The following DSCAM variants were observed in gnomAD, a reference collection of about 807,000 sequenced individuals.
The protein encoded by DSCAM is cell adhesion molecule DSCAM.
Under a neutral mutation model 217.7 loss-of-function variants are expected in DSCAM, and 47 were observed. The observed-to-expected ratio is 0.22, with a 90% CI of 0.17 to 0.28. The LOEUF (loss-of-function observed/expected upper bound fraction) is 0.28, where lower values mean the gene tolerates loss of function less well. Among genes scored for constraint, DSCAM ranks in the 10% least tolerant of loss-of-function variants. DSCAM has a pLI of 1.00. For missense variants in DSCAM, 2,080 were observed against 2,618.3 expected (o/e 0.79, Z 4.49); for synonymous variants, 1,056 against 1,015.3 (o/e 1.04, Z -0.76).
chr21:40,088,168 G>A (rs2089556997), intron 21 of DSCAM, among the ~76,000 whole-genome samples: 1 of 152,160 alleles, frequency 6.6e-6, no homozygotes, highest in Non-Finnish European at 1.5e-5. Flanking sequence ...ACACTGTCAT[G>A]GAGCTGGGGA....
At chr21:40,334,715 CACCACA>C (rs58765962) in intron 8 of DSCAM, among the ~76,000 whole-genome samples, 83,035 of 151,062 alleles carry the variant, frequency 0.55, 23,046 homozygotes, top group Admixed American at 0.67. Context: ...AAATATAGTG[CACCACA>C]ACCACAACCT....
chr21:40,215,807 T>G (rs773218791), intron 11 of DSCAM, among the ~76,000 whole-genome samples: 1 of 152,030 alleles, frequency 6.6e-6, no homozygotes, highest in East Asian at 1.9e-4. Flanking sequence ...AAGAAAAAAA[T>G]TAACTAATTA....
chr21:40,766,044 A>G (rs2091385443), intron 1 of DSCAM, among the ~76,000 whole-genome samples: 1 of 152,236 alleles, frequency 6.6e-6, no homozygotes, highest in South Asian at 2.1e-4. Flanking sequence ...CTGGCAAGCC[A>G]GCCTCTGGGA....
At chr21:40,079,122 C>T (rs983404870) in intron 25 of DSCAM, 145 bp from the exon 26 acceptor site, 1 of 853,192 alleles carries the variant, frequency 1.2e-6, no homozygotes, top group Non-Finnish European at 1.8e-6. Flanking sequence ...CAACTTGTCC[C>T]CTGTTAATAG....
At chr21:40,241,076 A>G (rs2073146441) in intron 11 of DSCAM, among the ~76,000 whole-genome samples, 1 of 152,196 alleles carries the variant, frequency 6.6e-6, no homozygotes, top group African/African-American at 2.4e-5. Flanking sequence ...ACCTAGGAAC[A>G]GGCAAATATT....
chr21:40,102,375 G>A (rs76806749), intron 20 of DSCAM, among the ~76,000 whole-genome samples: 930 of 152,276 alleles, frequency 6.1e-3, no homozygotes, highest in Non-Finnish European at 9.5e-3. Context: ...AAGCCAGAGC[G>A]TTCACATTTC....
intron 11 of DSCAM, among the ~76,000 whole-genome samples, chr21:40,257,398 T>A (rs764810621): frequency 1.2e-4 from 18 of 151,982 alleles, no homozygotes; most frequent in Non-Finnish European, 1.9e-4. Flanking sequence ...TCCCTGAATA[T>A]TTTTTATTTG....
At chr21:40,620,318 G>A (rs1244362428) in intron 3 of DSCAM, among the ~76,000 whole-genome samples, 1 of 127,632 alleles carries the variant, frequency 7.8e-6, no homozygotes, top group Non-Finnish European at 1.6e-5. Flanking sequence ...GAGAGAGAAA[G>A]AGAGAGAAAA....
At chr21:40,651,149 T>C (rs575377492) in intron 3 of DSCAM, among the ~76,000 whole-genome samples, 1 of 152,258 alleles carries the variant, frequency 6.6e-6, no homozygotes, top group East Asian at 1.9e-4. Context: ...GCTCAGGTCA[T>C]TGCCTCATGA....
intron 11 of DSCAM, among the ~76,000 whole-genome samples, chr21:40,210,863 C>T (rs1198461490): frequency 1.3e-5 from 2 of 152,144 alleles, no homozygotes; most frequent in South Asian, 4.1e-4. Flanking sequence ...TATTTTTAAC[C>T]CACATTCATT....
At chr21:40,647,225 G>A (rs1045609045) in intron 3 of DSCAM, among the ~76,000 whole-genome samples, 6 of 152,144 alleles carry the variant, frequency 3.9e-5, no homozygotes, top group Admixed American at 2.0e-4. Context: ...AAGGCCAATC[G>A]ATTTGCTCTG....
intron 3 of DSCAM, among the ~76,000 whole-genome samples, chr21:40,571,587 C>A (rs924840906): frequency 1.3e-5 from 2 of 151,988 alleles, no homozygotes; most frequent in African/African-American, 4.8e-5. Context: ...CTCAAATCTG[C>A]AGGAAAGAAT....
chr21:40,218,940 C>T (rs1018185103), intron 11 of DSCAM, among the ~76,000 whole-genome samples: 1 of 152,146 alleles, frequency 6.6e-6, no homozygotes, highest in Non-Finnish European at 1.5e-5. Context: ...GTTTGACTTC[C>T]TCTCTTCCTA....
At chr21:40,315,362 T>C (rs1265384771) in intron 8 of DSCAM, among the ~76,000 whole-genome samples, 2 of 151,178 alleles carry the variant, frequency 1.3e-5, no homozygotes, top group Non-Finnish European at 2.9e-5. Flanking sequence ...CAAGGTCATG[T>C]CACTGCACTC....
chr21:40,709,018 AG>A (rs778180544), intron 1 of DSCAM, among the ~76,000 whole-genome samples: 1 of 152,204 alleles, frequency 6.6e-6, no homozygotes, highest in Non-Finnish European at 1.5e-5. Flanking sequence ...AATTTTTAAT[AG>A]ATTGTTTTTT....
intron 32 of DSCAM, among the ~76,000 whole-genome samples, chr21:40,035,342 A>G (rs1419861104): frequency 1.0e-5 from 1 of 99,980 alleles, no homozygotes; most frequent in Non-Finnish European, 2.0e-5. Flanking sequence ...AATGGAAAAC[A>G]AAAAAAGGCA....
intron 3 of DSCAM, among the ~76,000 whole-genome samples, chr21:40,655,459 T>TG (rs948168355): frequency 6.7e-5 from 10 of 150,154 alleles, no homozygotes; most frequent in East Asian, 2.0e-4. Context: ...TTTTTTTTTT[T>TG]TGAGACAGGG....
intron 3 of DSCAM, among the ~76,000 whole-genome samples, chr21:40,664,056 A>G (rs562166156): frequency 6.6e-5 from 10 of 152,206 alleles, no homozygotes; most frequent in Non-Finnish European, 1.0e-4. Flanking sequence ...TCGAGCTACA[A>G]CATATGCACA....
chr21:40,615,209 G>A (rs1480934706), intron 3 of DSCAM, among the ~76,000 whole-genome samples: 2 of 149,938 alleles, frequency 1.3e-5, no homozygotes, highest in East Asian at 4.0e-4. Context: ...CTTGAACCAG[G>A]AGGTGGAGGT....
Sources: gnomAD v4.1 joint callset for allele counts (sites outside exome capture counted in the v4.1 genomes callset) on GRCh38, gnomAD v4.1.1 for gene constraint, MANE v1.5 for transcripts, NCBI Gene and HGNC (gene_info 2026-07-23, HGNC 2026-07-21) for gene names.